MFF: variants seen among roughly 807,000 people sequenced by gnomAD.
MFF encodes the protein mitochondrial fission factor, also known as chromosome 2 open reading frame 33.
A neutral mutation model predicts 36.9 loss-of-function variants in MFF; 12 were observed. The observed-to-expected ratio is 0.33, with a 90% confidence interval of 0.21 to 0.53. The LOEUF is 0.53. MFF is among the 20% of genes least tolerant of loss of function. The probability of loss-of-function intolerance (pLI) is 0.95; values close to 1 mark genes in which losing one functional copy is unlikely to be tolerated. For missense variants in MFF, 348 were observed against 366.6 expected (o/e 0.95, Z 0.42); for synonymous variants, 99 against 126.2 (o/e 0.78, Z 1.44).
chr2:227,343,461 A>T (rs1257463131), intron 5 of MFF, among the ~76,000 whole-genome samples: 1 of 152,166 alleles, frequency 6.6e-6, no homozygotes, highest in Non-Finnish European at 1.5e-5. Context: ...TTTTCCTCTT[A>T]TTCTGGTTCT....
chr2:227,345,044 T>C (rs911780798), intron 5 of MFF, among the ~76,000 whole-genome samples: 3 of 152,220 alleles, frequency 2.0e-5, no homozygotes, highest in African/African-American at 7.2e-5. Context: ...AGAGATCTTA[T>C]AGATTGTTTT....
At chr2:227,332,223 CG>C (rs2074650994) in intron 3 of MFF, among the ~76,000 whole-genome samples, 195 bp from the exon 4 acceptor site, 1 of 151,822 alleles carries the variant, frequency 6.6e-6, no homozygotes, top group African/African-American at 2.4e-5. Context: ...CCGCCCGCCT[CG>C]GCCTCCCAAA....
intron 5 of MFF, chr2:227,342,639 G>C (rs2106408228): frequency 3.6e-6 from 3 of 842,506 alleles, no homozygotes; most frequent in Non-Finnish European, 5.7e-6. Flanking sequence ...TAAGATTGTG[G>C]TCAGCTATTA....
intron 4 of MFF, among the ~76,000 whole-genome samples, chr2:227,334,574 G>C (rs1170825166): frequency 6.6e-6 from 1 of 152,158 alleles, no homozygotes; most frequent in Non-Finnish European, 1.5e-5. Flanking sequence ...CAGAACATTT[G>C]CTCTGTATCA....
At chr2:227,329,877 A>G (rs1574887052) in intron 2 of MFF, 3 of 783,214 alleles carry the variant, frequency 3.8e-6, no homozygotes, top group Non-Finnish European at 6.1e-6. Context: ...GCTCTTTTAC[A>G]TTTTTATCAG....
intron 4 of MFF, among the ~76,000 whole-genome samples, chr2:227,338,805 A>G (rs917079716): frequency 1.3e-5 from 2 of 151,770 alleles, no homozygotes; most frequent in Non-Finnish European, 2.9e-5. Context: ...ACTGCATTGC[A>G]GCCTGGGCGA....
At chr2:227,336,452 C>T (rs1169905222) in intron 4 of MFF, among the ~76,000 whole-genome samples, 3 of 152,114 alleles carry the variant, frequency 2.0e-5, no homozygotes, top group Non-Finnish European at 4.4e-5. Context: ...ACACAAGAAT[C>T]GTCAATAGTT....
At chr2:227,335,118 C>T (rs886974393) in intron 4 of MFF, among the ~76,000 whole-genome samples, 4 of 145,222 alleles carry the variant, frequency 2.8e-5, no homozygotes, top group Non-Finnish European at 4.5e-5. Flanking sequence ...AGCAGTGAAC[C>T]GAGATTGTGC....
chr2:227,325,763 G>A (rs1257389648), intron 1 of MFF: 1 of 152,308 alleles, frequency 6.6e-6, no homozygotes, highest in African/African-American at 2.4e-5. Flanking sequence ...GAAGCAGCGG[G>A]AGTCCCGTGA....
intron 6 of MFF, among the ~76,000 whole-genome samples, chr2:227,351,054 T>C (rs1201326212): frequency 1.3e-5 from 2 of 152,192 alleles, no homozygotes; most frequent in Non-Finnish European, 2.9e-5. Flanking sequence ...CATTTGAACA[T>C]ACTGTGTGCA....
chr2:227,337,560 G>A (rs1392921217), intron 4 of MFF, among the ~76,000 whole-genome samples: 2 of 152,194 alleles, frequency 1.3e-5, no homozygotes, highest in Admixed American at 1.3e-4. Flanking sequence ...AACTTGGGGT[G>A]TAAGCATATT....
At chr2:227,341,553 A>C (rs1046262757) in intron 5 of MFF, among the ~76,000 whole-genome samples, 28 of 152,184 alleles carry the variant, frequency 1.8e-4, no homozygotes, top group African/African-American at 6.5e-4. Flanking sequence ...TAGTAATATA[A>C]AATTTTTTGA....
intron 6 of MFF, among the ~76,000 whole-genome samples, chr2:227,351,453 G>T (rs1490541396): frequency 6.6e-6 from 1 of 152,074 alleles, no homozygotes; most frequent in Non-Finnish European, 1.5e-5. Flanking sequence ...GAAAAAATTA[G>T]TGCATTTGGT....
rs1574992578 is a variant in MFF, at chr2:227,352,293, C to G, written c.600-221C>G. Reference sequence around the variant, plus strand: ...GTTTTGTCGTGTAAATATAGATTCCCTTTGTTTCTTTGATCAATAGTAATG... The same window carrying G: ...GTTTTGTCGTGTAAATATAGATTCCGTTTGTTTCTTTGATCAATAGTAATG... On this transcript the variant is annotated intron_variant, in intron 6 of 8. Coordinates refer to ENST00000304593, the MANE Select transcript of MFF (RefSeq NM_001277062.2). 1.1e-5 allele frequency: 5 copies of G among 450,036 alleles called. No homozygotes were observed. The East Asian group carries it at 1.4e-4, about 12-fold the overall frequency. The allele number at this position is 450,036 out of a possible 1,614,324, so 27.9% of individuals were successfully genotyped here. A position where few individuals can be genotyped will look rare whatever the true frequency, so the allele number is the denominator to read the frequency against.
At position 227,350,748 on chromosome 2, in the gene MFF, G is replaced by A. The variant is rs115400553; in HGVS notation, c.600-1766G>A. On this transcript the variant is annotated intron_variant, in intron 6 of 8. Transcript: ENST00000304593. Reference sequence around the variant, plus strand: ...GTATTTACTCAAAAAATGTCAGTACGCAAGTTAATGGCGGAGCTTGGTGGT... The same window carrying A: ...GTATTTACTCAAAAAATGTCAGTACACAAGTTAATGGCGGAGCTTGGTGGT... Among the ~76,000 whole-genome samples the A allele has an allele frequency of 5.9e-3, 893 of 152,166 alleles. 6 individuals are homozygous for A. The highest frequency in any genetic ancestry group is 0.02 in the African/African-American group (835 of 41,526).
intron 6 of MFF, among the ~76,000 whole-genome samples, chr2:227,349,599 A>G (rs114892363): frequency 0.015 from 2,332 of 152,198 alleles, 65 homozygotes; most frequent in African/African-American, 0.054. Flanking sequence ...TGACGCTTTC[A>G]GTATTGAAAG....
intron 6 of MFF, among the ~76,000 whole-genome samples, chr2:227,349,347 T>C (rs2075874765): frequency 6.6e-6 from 1 of 152,124 alleles, no homozygotes; most frequent in Non-Finnish European, 1.5e-5. Flanking sequence ...GTATAAACTT[T>C]GTATTTTTTT....
chr2:227,343,306 A>C (rs534642412), intron 5 of MFF, among the ~76,000 whole-genome samples: 1 of 152,150 alleles, frequency 6.6e-6, no homozygotes, highest in South Asian at 2.1e-4. Context: ...CTTTTTTGCT[A>C]TTATTAAACC....
chr2:227,346,184 C>G (rs4128914), intron 5 of MFF: 31,685 of 166,814 alleles, frequency 0.19, 3,104 homozygotes, highest in Admixed American at 0.23. Flanking sequence ...AAGAGATTTT[C>G]TTTTTTCAAT....
Sources: gnomAD v4.1 joint callset for allele counts (sites outside exome capture counted in the v4.1 genomes callset) on GRCh38, gnomAD v4.1.1 for gene constraint, MANE v1.5 for transcripts, NCBI Gene and HGNC (gene_info 2026-07-23, HGNC 2026-07-21) for gene names.